The following TMEM117 variants were observed in gnomAD, a reference collection of about 807,000 sequenced individuals.
TMEM117 encodes transmembrane protein 117.
In TMEM117, 27 loss-of-function variants were observed where a neutral mutation model predicts 52.4. That is an observed-to-expected ratio of 0.51 (90% CI 0.38 to 0.71). TMEM117 has a LOEUF of 0.71. Among genes scored for constraint, TMEM117 ranks in the 30% least tolerant of loss-of-function variants. The pLI is 0.00. For synonymous variants in TMEM117, 215 were observed against 206.3 expected, an observed-to-expected ratio of 1.04 and a Z score of -0.36; for missense variants, 556 against 630.5, an observed-to-expected ratio of 0.88 and a Z score of 1.26.
At chr12:44,242,948 C>T (rs553271987) in intron 5 of TMEM117, among the ~76,000 whole-genome samples, 4 of 151,748 alleles carry the variant, frequency 2.6e-5, no homozygotes, top group Admixed American at 6.6e-5. Flanking sequence ...TATTAACAGC[C>T]ATTCTGACTT....
intron 3 of TMEM117, among the ~76,000 whole-genome samples, chr12:44,100,555 A>C (rs1288060797): frequency 2.6e-5 from 4 of 152,028 alleles, no homozygotes; most frequent in African/African-American, 9.7e-5. Context: ...CACCCATAAA[A>C]TATAATGCTT....
chr12:44,220,560 G>A (rs1030332170), intron 5 of TMEM117, among the ~76,000 whole-genome samples: 3 of 152,240 alleles, frequency 2.0e-5, no homozygotes, highest in Non-Finnish European at 4.4e-5. Context: ...AGAGAGCTTA[G>A]ATAGAATAAT....
At chr12:44,393,824 G>A (rs1480530480), downstream of TMEM117, among the ~76,000 whole-genome samples, 3 of 152,124 alleles carry the variant, frequency 2.0e-5, no homozygotes, top group Non-Finnish European at 4.4e-5. Context: ...AAATTAAATG[G>A]CAAAAGCAGT....
At chr12:44,273,058 C>T (rs759916237) in intron 5 of TMEM117, among the ~76,000 whole-genome samples, 64 of 152,218 alleles carry the variant, frequency 4.2e-4, no homozygotes, top group Non-Finnish European at 6.5e-4. Context: ...ATGATGAGTT[C>T]ATGTCCTTTG....
intron 3 of TMEM117, among the ~76,000 whole-genome samples, chr12:43,971,501 A>C (rs1945586064): frequency 6.6e-6 from 1 of 152,180 alleles, no homozygotes; most frequent in Non-Finnish European, 1.5e-5. Flanking sequence ...TCAAACCTCT[A>C]GGTCTTGATA....
Position 43,947,153 on chromosome 12 carries a change from G to A in TMEM117, c.410+2811G>A, listed in dbSNP as rs559055395. Reference sequence around the variant, plus strand: ...GTTTGAGACCAGTCTGGGCAACAGAGTGAGACTTTGTCTCTTACAAAAAAT... The same window carrying A: ...GTTTGAGACCAGTCTGGGCAACAGAATGAGACTTTGTCTCTTACAAAAAAT... On this transcript the variant is annotated intron_variant, in intron 3 of 7. Coordinates refer to ENST00000266534, the MANE Select transcript of TMEM117 (RefSeq NM_032256.3). Among the ~76,000 whole-genome samples the A allele has an allele frequency of 3.9e-5, 6 of 152,242 alleles. No individual in the cohort carries two copies. The South Asian group carries it at 1.2e-3, about 32-fold the overall frequency.
chr12:43,815,824 T>C, the TMEM117 span, among the ~76,000 whole-genome samples: 2 of 152,180 alleles, frequency 1.3e-5, no homozygotes, highest in Non-Finnish European at 2.9e-5. Context: ...ATGACAATGA[T>C]AAATTGAGAC....
chr12:44,049,187 G>A (rs1299082069), intron 3 of TMEM117, among the ~76,000 whole-genome samples: 2 of 152,112 alleles, frequency 1.3e-5, no homozygotes, highest in Non-Finnish European at 2.9e-5. Flanking sequence ...ATGATAGACT[G>A]GATAAAGCAA....
intron 4 of TMEM117, among the ~76,000 whole-genome samples, chr12:44,161,086 G>A (rs984447966): frequency 6.6e-6 from 1 of 152,004 alleles, no homozygotes; most frequent in African/African-American, 2.4e-5. Context: ...TGGGCAATAG[G>A]GTTTTCAGGG....
At chr12:44,192,439 G>A (rs113998105) in intron 4 of TMEM117, among the ~76,000 whole-genome samples, 1,527 of 152,296 alleles carry the variant, frequency 0.01, 10 homozygotes, top group African/African-American at 0.016. Flanking sequence ...AAATTGTTCT[G>A]TGCAAATCAT....
intron 4 of TMEM117, among the ~76,000 whole-genome samples, chr12:44,150,061 G>C (rs1948699089): frequency 6.6e-6 from 1 of 152,114 alleles, no homozygotes; most frequent in African/African-American, 2.4e-5. Flanking sequence ...TTCTCTGCCT[G>C]TTCATTGGAA....
At chr12:44,060,238 C>G (rs12319776) in intron 3 of TMEM117, among the ~76,000 whole-genome samples, 6,148 of 152,104 alleles carry the variant, frequency 0.04, 267 homozygotes, top group African/African-American at 0.11. Flanking sequence ...TTTCTTTTAC[C>G]AAACCATCTA....
chr12:43,995,368 C>A (rs980972109), intron 3 of TMEM117, among the ~76,000 whole-genome samples: 1 of 151,626 alleles, frequency 6.6e-6, no homozygotes, highest in African/African-American at 2.4e-5. Flanking sequence ...TGACTAGATA[C>A]CTTTTGTAAA....
intron 3 of TMEM117, among the ~76,000 whole-genome samples, chr12:44,132,719 C>G (rs879306545): frequency 7.2e-5 from 11 of 151,852 alleles, no homozygotes; most frequent in Non-Finnish European, 1.5e-4. Flanking sequence ...TTTTTAAATT[C>G]CTACATTGTC....
chr12:43,841,063 G>T (rs1449471435), intron 1 of TMEM117, among the ~76,000 whole-genome samples: 1 of 152,152 alleles, frequency 6.6e-6, no homozygotes, highest in Non-Finnish European at 1.5e-5. Flanking sequence ...GATAAGCAGA[G>T]GTTTAATTCA....
chr12:44,226,378 C>A (rs971893122), intron 5 of TMEM117, among the ~76,000 whole-genome samples: 6 of 152,034 alleles, frequency 3.9e-5, no homozygotes, highest in Non-Finnish European at 8.8e-5. Context: ...TTAATTATTT[C>A]TTTTAAATAA....
intron 6 of TMEM117, among the ~76,000 whole-genome samples, chr12:44,342,230 T>C (rs1612439): frequency 0.022 from 3,399 of 152,280 alleles, 141 homozygotes; most frequent in African/African-American, 0.077. Context: ...ACCTTTTCGA[T>C]TTAGCTTTGC....
intron 4 of TMEM117, among the ~76,000 whole-genome samples, chr12:44,181,197 GTTGT>G (rs1200599614): frequency 1.3e-5 from 2 of 149,312 alleles, no homozygotes; most frequent in African/African-American, 2.4e-5. Context: ...TTTTGATGGG[GTTGT>G]TTGTTTTTTT....
chr12:44,144,322 A>C (rs17094150), intron 4 of TMEM117, among the ~76,000 whole-genome samples: 18,750 of 152,264 alleles, frequency 0.12, 1,357 homozygotes, highest in East Asian at 0.3. Flanking sequence ...CTATAAATTT[A>C]TGAGAGACTC....
Sources: allele counts gnomAD v4.1 joint callset (sites outside exome capture counted in the v4.1 genomes callset), GRCh38; gene constraint gnomAD v4.1.1; transcripts MANE v1.5; gene names NCBI Gene and HGNC (gene_info 2026-07-23, HGNC 2026-07-21).